The following FAM107A variants were observed in gnomAD, a reference collection of about 807,000 sequenced individuals.
The protein encoded by FAM107A is actin-associated protein FAM107A.
A neutral mutation model predicts 13.7 loss-of-function variants in FAM107A; 19 were observed. That is an observed-to-expected ratio of 1.38 (90% confidence interval 0.97 to 2.03). The LOEUF is 2.03. Among genes scored for constraint, FAM107A ranks in the 30% most tolerant of loss-of-function variants. The pLI is 0.00. For missense variants in FAM107A, 203 were observed against 184.4 expected (o/e 1.10, Z -0.58); for synonymous variants, 82 against 74.5 (o/e 1.10, Z -0.52).
rs1403823450 is a variant in FAM107A at position 58,564,151 on chromosome 3, A to C, written c.*2437T>G. 6.6e-6 allele frequency: 1 copy of C among 152,226 alleles called. No homozygotes were observed. Among genetic ancestry groups the C allele is most frequent in the Non-Finnish European group, 1.5e-5 (1 of 68,046 alleles). 9.4% of individuals were successfully genotyped at this position (152,226 alleles called of 1,614,324 possible). ...AGAGGGATTTATTTTATTTACAAGA[A>C]TTCTGGAGAAGGATGGCGGCTGGTA... On this transcript the variant is annotated 3_prime_UTR_variant, in exon 4 of 4. Coordinates refer to ENST00000360997, the MANE Select transcript of FAM107A (RefSeq NM_001076778.3). The surrounding 1 kb of genome is among the most constrained non-coding windows in gnomAD (Gnocchi z 5.6).
chr3:58,581,601 GC>G (rs1201242962), upstream of FAM107A, among the ~76,000 whole-genome samples: 5 of 151,364 alleles, frequency 3.3e-5, no homozygotes, highest in Non-Finnish European at 5.9e-5. Flanking sequence ...ATTAAACCGT[GC>G]CCCCCGCCTC....
At chr3:58,618,382 C>T (rs372581282) in intron 1 of FAM107A, among the ~76,000 whole-genome samples, 32 of 152,274 alleles carry the variant, frequency 2.1e-4, no homozygotes, top group African/African-American at 6.3e-4. Context: ...ATTGGCCCTC[C>T]GAAGAATGAC....
At chr3:58,621,707 C>T (rs185941460) in intron 1 of FAM107A, among the ~76,000 whole-genome samples, 1 of 152,350 alleles carries the variant, frequency 6.6e-6, no homozygotes, top group Non-Finnish European at 1.5e-5. Flanking sequence ...AGAGTGAGTG[C>T]TAGAGGCTCC....
intron 1 of FAM107A, among the ~76,000 whole-genome samples, chr3:58,602,923 C>T (rs966015201): frequency 6.6e-6 from 1 of 151,660 alleles, no homozygotes; most frequent in Non-Finnish European, 1.5e-5. Flanking sequence ...TGTGTCCATA[C>T]ATAGGTATGT....
At chr3:58,570,151 C>T (rs1321696651) in intron 1 of FAM107A, among the ~76,000 whole-genome samples, 3 of 152,172 alleles carry the variant, frequency 2.0e-5, no homozygotes, top group African/African-American at 4.8e-5. Flanking sequence ...CGGGTTGACA[C>T]ATGCATATTT....
intron 1 of FAM107A, among the ~76,000 whole-genome samples, chr3:58,621,149 CG>C (rs1364560947): frequency 6.6e-6 from 1 of 152,052 alleles, no homozygotes; most frequent in Non-Finnish European, 1.5e-5. Context: ...TCAAATCTAG[CG>C]GGTAAATAGA....
intron 1 of FAM107A, among the ~76,000 whole-genome samples, chr3:58,599,608 T>A (rs2065735219): frequency 6.6e-6 from 1 of 151,450 alleles, no homozygotes; most frequent in African/African-American, 2.4e-5. Flanking sequence ...GTGCTGTTGA[T>A]GTTCTGTTTC....
intron 1 of FAM107A, among the ~76,000 whole-genome samples, chr3:58,574,827 C>A (rs140534941): frequency 6.6e-6 from 1 of 152,320 alleles, no homozygotes; most frequent in East Asian, 1.9e-4. Flanking sequence ...TTGCCACAGG[C>A]TCCACAGGAT....
chr3:58,578,964 T>C (rs1267196282), upstream of FAM107A, among the ~76,000 whole-genome samples: 1 of 152,220 alleles, frequency 6.6e-6, no homozygotes, highest in African/African-American at 2.4e-5. Context: ...TTCTAAGTGC[T>C]GGGGGTACCA....
At chr3:58,567,858 G>A (rs1400751459) in intron 2 of FAM107A, among the ~76,000 whole-genome samples, 1 of 152,070 alleles carries the variant, frequency 6.6e-6, no homozygotes, top group Non-Finnish European at 1.5e-5. Context: ...CTTTTCATTT[G>A]TTTCTTTATT....
chr3:58,596,772 T>TCAAGATATAA (rs1332646792), intron 1 of FAM107A, among the ~76,000 whole-genome samples: 2 of 152,108 alleles, frequency 1.3e-5, no homozygotes, highest in Non-Finnish European at 2.9e-5. Flanking sequence ...ACCTCCAAGA[T>TCAAGATATAA]CAAGATATAA....
At chr3:58,591,990 C>T (rs1369855798), upstream of FAM107A, among the ~76,000 whole-genome samples, 1 of 152,166 alleles carries the variant, frequency 6.6e-6, no homozygotes, top group Non-Finnish European at 1.5e-5. This position sits in a 1 kb window ranked among gnomAD's most constrained non-coding sequence, Gnocchi z 4.3. Flanking sequence ...CCAGGGGAGG[C>T]CTCAGCTGTG....
At chr3:58,624,499 G>A (rs905162652) in intron 1 of FAM107A, among the ~76,000 whole-genome samples, 3 of 151,798 alleles carry the variant, frequency 2.0e-5, no homozygotes, top group Admixed American at 6.6e-5. Context: ...TGGAGAGAAC[G>A]CTGTCTCTCC....
At chr3:58,576,945 T>G (rs1311758665) in intron 1 of FAM107A, among the ~76,000 whole-genome samples, 1 of 152,234 alleles carries the variant, frequency 6.6e-6, no homozygotes, top group Non-Finnish European at 1.5e-5. Flanking sequence ...CTGAAATCTG[T>G]GTTCTGTCTG....
upstream of FAM107A, among the ~76,000 whole-genome samples, chr3:58,589,469 G>A (rs111286705): frequency 1.4e-4 from 21 of 152,146 alleles, no homozygotes; most frequent in South Asian, 2.5e-3. Context: ...GCCCACATGC[G>A]TATTTATGAG....
At chr3:58,581,650 G>A (rs569654816), upstream of FAM107A, among the ~76,000 whole-genome samples, 1 of 152,318 alleles carries the variant, frequency 6.6e-6, no homozygotes, top group South Asian at 2.1e-4. Context: ...GGGGTTGGGG[G>A]AGAAGAAGCT....
At position 58,569,622 on chromosome 3, in the gene FAM107A, G is replaced by A; in HGVS notation, c.170+69C>T. 3 of 1,351,588 alleles carry A rather than the reference G, an allele frequency of 2.2e-6. No homozygotes were observed. Among genetic ancestry groups the A allele is most frequent in the Non-Finnish European group, 2.0e-6 (2 of 984,380 alleles). The allele number at this position is 1,351,588 out of a possible 1,614,324, so 83.7% of individuals were successfully genotyped here. On this transcript the variant is annotated intron_variant, in intron 2 of 3. Transcript: ENST00000360997. The surrounding 1 kb of genome is among the most constrained non-coding windows in gnomAD (Gnocchi z 5.7). The stretch of plus-strand genomic sequence containing the variant: ...TGAAAGCCAGCTCTGCTTTCCTCCA[G>A]GGTCACCTTCCCCATCCCCCACAGG...
chr3:58,619,957 G>T (rs866033152), intron 1 of FAM107A, among the ~76,000 whole-genome samples: 1 of 152,042 alleles, frequency 6.6e-6, no homozygotes, highest in South Asian at 2.1e-4. Flanking sequence ...ACATGTGGGG[G>T]AAACTGAGGG....
chr3:58,623,733 G>C (rs1436150535), intron 1 of FAM107A, among the ~76,000 whole-genome samples: 4 of 152,176 alleles, frequency 2.6e-5, no homozygotes, highest in African/African-American at 9.7e-5. Flanking sequence ...TTACTAGCTG[G>C]GTGACCCTGA....
Sources: allele counts gnomAD v4.1 joint callset (sites outside exome capture counted in the v4.1 genomes callset), GRCh38; gene constraint gnomAD v4.1.1; non-coding constraint Gnocchi (gnomAD v3.1); transcripts MANE v1.5; gene names NCBI Gene and HGNC (gene_info 2026-07-23, HGNC 2026-07-21).